The following VAV2 variants were observed in gnomAD, a reference collection of about 807,000 sequenced individuals.
The protein encoded by VAV2 is guanine nucleotide exchange factor VAV2.
A neutral mutation model predicts 132.5 loss-of-function variants in VAV2; 67 were observed. The ratio of observed to expected loss-of-function variants is 0.51; its 90% CI spans 0.42 to 0.62. VAV2 has a LOEUF of 0.62. Ranked by LOEUF, VAV2 falls within the 20% of genes least tolerant of loss-of-function variation. VAV2 has a pLI of 0.00. For synonymous variants in VAV2, 492 were observed against 443.5 expected, an observed-to-expected ratio of 1.11 and a Z score of -1.37; for missense variants, 938 against 1,153.6, an observed-to-expected ratio of 0.81 and a Z score of 2.71.
intron 2 of VAV2, among the ~76,000 whole-genome samples, chr9:133,886,345 G>A (rs145355903): frequency 7.9e-5 from 12 of 152,314 alleles, no homozygotes; most frequent in East Asian, 1.9e-4. Flanking sequence ...AGAGCCTACC[G>A]CGTGCCTAAC....
Position 133,916,208 on chromosome 9 carries a change from G to A in VAV2, c.321+22895C>T, listed in dbSNP as rs191485294. ...ACACGCCTCTCTGCTCCTAGCCAGC[G>A]GGGTTATCCAAGGCTCCATGGAGGA... On this transcript the variant is annotated intron_variant, in intron 2 of 29. Coordinates refer to ENST00000371850, the MANE Select transcript of VAV2 (RefSeq NM_001134398.2). 3.5e-4 allele frequency among the ~76,000 whole-genome samples: 53 copies of A among 152,358 alleles called. No homozygotes were observed. The East Asian group carries it at 5.6e-3, about 16-fold the overall frequency.
intron 5 of VAV2, 101 bp from the exon 6 acceptor site, chr9:133,810,306 A>C (rs923363161): frequency 4.5e-6 from 7 of 1,570,196 alleles, no homozygotes; most frequent in African/African-American, 4.1e-5. Flanking sequence ...CCCCACAACC[A>C]GCCAACAGAC....
At chr9:133,875,657 C>T (rs1564426890) in intron 2 of VAV2, among the ~76,000 whole-genome samples, 1 of 152,258 alleles carries the variant, frequency 6.6e-6, no homozygotes, top group South Asian at 2.1e-4. Flanking sequence ...AACTGCCCTG[C>T]GCCAGGACCT....
intron 2 of VAV2, among the ~76,000 whole-genome samples, chr9:133,892,436 C>T (rs988518199): frequency 9.9e-5 from 15 of 151,940 alleles, no homozygotes; most frequent in Admixed American, 9.2e-4. Flanking sequence ...CATTAGAGCA[C>T]CCTTACCAGT....
rs1327600235 is a variant in VAV2 at position 133,840,465 on chromosome 9, CCCCCAACAGGCCTT to C, written c.381-6139_381-6126del. Among the ~76,000 whole-genome samples the C allele has an allele frequency of 6.6e-6, 1 of 152,162 alleles. No homozygotes were observed. The highest frequency in any genetic ancestry group is 1.5e-5 in the Non-Finnish European group (1 of 68,022). On this transcript the variant is annotated intron_variant, in intron 3 of 29. Coordinates refer to ENST00000371850, the MANE Select transcript of VAV2 (RefSeq NM_001134398.2). The surrounding 1 kb of genome is among the most constrained non-coding windows in gnomAD (Gnocchi z 4.5). The stretch of plus-strand genomic sequence containing the variant: ...CTGCTTGCTCAAGGAGCTCCCCCAG[CCCCCAACAGGCCTT>C]CCCCATGAGCTCAATTCTGGGCAGG...
intron 4 of VAV2, among the ~76,000 whole-genome samples, chr9:133,815,347 C>G (rs1017466489): frequency 8.5e-5 from 13 of 152,064 alleles, no homozygotes; most frequent in African/African-American, 3.1e-4. Context: ...TTTTAAGGAT[C>G]AAAATACGCC....
chr9:133,864,289 T>G (rs1454991232), intron 2 of VAV2, among the ~76,000 whole-genome samples: 1 of 152,184 alleles, frequency 6.6e-6, no homozygotes, highest in Non-Finnish European at 1.5e-5. Context: ...AGGAATGATG[T>G]GCCACTCAAA....
chr9:133,793,228 C>T (rs534095707), intron 12 of VAV2, among the ~76,000 whole-genome samples: 1 of 152,190 alleles, frequency 6.6e-6, no homozygotes, highest in South Asian at 2.1e-4. Context: ...TGGCCCACAG[C>T]GGAACCCAAG....
chr9:133,808,476 G>A (rs908138785), intron 7 of VAV2, among the ~76,000 whole-genome samples: 5 of 152,224 alleles, frequency 3.3e-5, no homozygotes, highest in African/African-American at 7.2e-5. Flanking sequence ...AGGCCCAGGT[G>A]GGGTAGGGGA....
intron 2 of VAV2, among the ~76,000 whole-genome samples, chr9:133,922,423 G>A (rs1029451263): frequency 1.1e-4 from 17 of 152,362 alleles, no homozygotes; most frequent in Middle Eastern, 3.4e-3. Flanking sequence ...GCTTGGCGGG[G>A]CAGCCCCTTC....
rs1233701835 is a variant in VAV2 at position 133,763,210 on chromosome 9, C to T, written c.*852G>A. ...TGGCAGGGATCTAGAGAGGGGAAAT[C>T]CCTGTTTTCTTCCCTGCCCATTTCA... On this transcript the variant is annotated 3_prime_UTR_variant, in exon 30 of 30. Coordinates refer to ENST00000371850, the MANE Select transcript of VAV2 (RefSeq NM_001134398.2). This position sits in a 1 kb window ranked among gnomAD's most constrained non-coding sequence, Gnocchi z 6.8. The T allele has an allele frequency of 6.6e-6, 1 of 152,160 alleles. No homozygotes were observed. Among genetic ancestry groups the T allele is most frequent in the African/African-American group, 2.4e-5 (1 of 41,416 alleles). 9.4% of individuals were successfully genotyped at this position (152,160 alleles called of 1,614,324 possible). A position where few individuals can be genotyped will look rare whatever the true frequency, so the allele number is the denominator to read the frequency against.
At chr9:133,858,302 T>A (rs1033831972) in intron 3 of VAV2, among the ~76,000 whole-genome samples, 1 of 152,176 alleles carries the variant, frequency 6.6e-6, no homozygotes, top group African/African-American at 2.4e-5. Flanking sequence ...CTCACAGGCA[T>A]GCCCAACCCC....
chr9:133,981,445 G>A (rs574001576), intron 1 of VAV2, among the ~76,000 whole-genome samples: 77 of 152,302 alleles, frequency 5.1e-4, no homozygotes, highest in African/African-American at 1.7e-3. Flanking sequence ...CCCTCAGGCC[G>A]CCCGCTGCAC....
intron 9 of VAV2, among the ~76,000 whole-genome samples, chr9:133,798,023 G>C (rs377096688): frequency 6.6e-6 from 1 of 152,238 alleles, no homozygotes; most frequent in Non-Finnish European, 1.5e-5. Context: ...GGCGTGCTGG[G>C]AGAGGGGGTG....
chr9:133,973,709 G>A (rs1323470619), intron 1 of VAV2, among the ~76,000 whole-genome samples: 2 of 152,146 alleles, frequency 1.3e-5, no homozygotes, highest in Admixed American at 6.5e-5. Context: ...CAAGGGTGAC[G>A]CCCTCGCCCT....
intron 16 of VAV2, 132 bp downstream of exon 16, chr9:133,787,114 G>T: frequency 1.0e-6 from 1 of 988,138 alleles, no homozygotes; most frequent in Non-Finnish European, 1.4e-6. Context: ...GAAAGGGAGT[G>T]GAGGACGAAG....
At chr9:133,973,563 G>C (rs1489415342) in intron 1 of VAV2, among the ~76,000 whole-genome samples, 1 of 152,214 alleles carries the variant, frequency 6.6e-6, no homozygotes, top group East Asian at 1.9e-4. Context: ...ACCCAAAGAA[G>C]CTGGCGCAGA....
Position 133,969,108 on chromosome 9 carries a change from C to A in VAV2, c.204+22967G>T, listed in dbSNP as rs1029309572. Reference sequence around the variant, plus strand: ...GCCGTCTAGTTGCCTGAGATGAATCCCACATGCCGGGATTCACACTTCCCC... The same window carrying A: ...GCCGTCTAGTTGCCTGAGATGAATCACACATGCCGGGATTCACACTTCCCC... On this transcript the variant is annotated intron_variant, in intron 1 of 29. Transcript: ENST00000371850. The surrounding 1 kb of genome is among the most constrained non-coding windows in gnomAD (Gnocchi z 5.1). Among the ~76,000 whole-genome samples, 3 of 151,996 alleles carry A rather than the reference C, an allele frequency of 2.0e-5. No individual in the cohort carries two copies. The highest frequency in any genetic ancestry group is 7.3e-5 in the African/African-American group (3 of 41,378).
rs890903606 is a variant in VAV2, at chr9:133,879,034, C to T, written c.322-17602G>A. Among the ~76,000 whole-genome samples, 1 of 152,178 alleles carries T rather than the reference C, an allele frequency of 6.6e-6. No homozygotes were observed. Among genetic ancestry groups the T allele is most frequent in the Non-Finnish European group, 1.5e-5 (1 of 68,026 alleles). The stretch of plus-strand genomic sequence containing the variant: ...AGGGAGGTGTCTCCTCAGGATCCCC[C>T]CGTTCCCCAGGCATCATCCGCCCCC... On this transcript the variant is annotated intron_variant, in intron 2 of 29. Coordinates refer to ENST00000371850, the MANE Select transcript of VAV2 (RefSeq NM_001134398.2). The surrounding 1 kb of genome is among the most constrained non-coding windows in gnomAD (Gnocchi z 4.4).
Sources: allele counts gnomAD v4.1 joint callset (sites outside exome capture counted in the v4.1 genomes callset), GRCh38; gene constraint gnomAD v4.1.1; non-coding constraint Gnocchi (gnomAD v3.1); transcripts MANE v1.5; gene names NCBI Gene and HGNC (gene_info 2026-07-23, HGNC 2026-07-21).